UNC5A: variants seen among roughly 807,000 people sequenced by gnomAD.
UNC5A encodes the protein unc-5 netrin receptor A.
A neutral mutation model predicts 87.4 loss-of-function variants in UNC5A; 20 were observed. The observed-to-expected ratio is 0.23, with a 90% CI of 0.16 to 0.33. The LOEUF (loss-of-function observed/expected upper bound fraction) is 0.33, where lower values mean the gene tolerates loss of function less well. Ranked by LOEUF, UNC5A falls within the 10% of genes least tolerant of loss-of-function variation. The pLI is 1.00. For missense variants in UNC5A, 844 were observed against 1,133.4 expected (o/e 0.74, Z 3.67); for synonymous variants, 438 against 482.3 (o/e 0.91, Z 1.20).
rs1342162585 is a variant in UNC5A, at chr5:176,844,451, C to T, written c.71-18173C>T. On this transcript the variant is annotated intron_variant, in intron 1 of 14. Coordinates refer to ENST00000329542, the MANE Select transcript of UNC5A (RefSeq NM_133369.3). The surrounding 1 kb of genome is among the most constrained non-coding windows in gnomAD (Gnocchi z 4.2). Reference sequence around the variant, plus strand: ...TTTATGTCCACCCACGGTGTCCCAGCTGAGCGAGAAGGGACACGGGATGAT... The same window carrying T: ...TTTATGTCCACCCACGGTGTCCCAGTTGAGCGAGAAGGGACACGGGATGAT... 6.6e-6 allele frequency among the ~76,000 whole-genome samples: 1 copy of T among 152,116 alleles called. No homozygotes were observed. Among genetic ancestry groups the T allele is most frequent in the Admixed American group, 6.6e-5 (1 of 15,248 alleles).
chr5:176,869,532 C>G lies in UNC5A; in HGVS notation c.721+568C>G, dbSNP rs1758058484. On this transcript the variant is annotated intron_variant, in intron 5 of 14. Coordinates refer to ENST00000329542, the MANE Select transcript of UNC5A (RefSeq NM_133369.3). This position sits in a 1 kb window ranked among gnomAD's most constrained non-coding sequence, Gnocchi z 9.1. The stretch of plus-strand genomic sequence containing the variant: ...CACCCGTGTCCAGCTCACAGCCCCT[C>G]TGCCCTCACGCCCCGTCCCCTGGGC... The G allele has an allele frequency of 1.1e-5, 7 of 642,900 alleles. No individual in the cohort carries two copies. In the Admixed American group the frequency reaches 1.5e-4, roughly 14 times the overall value. The allele number at this position is 642,900 out of a possible 1,614,324, so 39.8% of individuals were successfully genotyped here.
intron 1 of UNC5A, among the ~76,000 whole-genome samples, chr5:176,843,125 C>A (rs1384529058): frequency 2.0e-5 from 3 of 149,286 alleles, no homozygotes; most frequent in Non-Finnish European, 4.4e-5. Context: ...CGCGTCATTG[C>A]ACTCCAGCCT....
At chr5:176,821,847 A>AG (rs1756734448) in intron 1 of UNC5A, among the ~76,000 whole-genome samples, 1 of 151,984 alleles carries the variant, frequency 6.6e-6, no homozygotes, top group Non-Finnish European at 1.5e-5. Flanking sequence ...TCCCAGGCTG[A>AG]GAGGGGCAGC....
intron 1 of UNC5A, among the ~76,000 whole-genome samples, chr5:176,850,427 G>A (rs1393157078): frequency 1.3e-5 from 2 of 152,144 alleles, no homozygotes; most frequent in Non-Finnish European, 2.9e-5. Flanking sequence ...GGGTGGTGGG[G>A]CCGGGGGTGG....
intron 1 of UNC5A, among the ~76,000 whole-genome samples, chr5:176,840,162 A>G (rs1196574226): frequency 6.6e-6 from 1 of 152,122 alleles, no homozygotes; most frequent in Non-Finnish European, 1.5e-5. Context: ...TGGCCTCTTC[A>G]TTAAAGTGTG....
intron 1 of UNC5A, among the ~76,000 whole-genome samples, chr5:176,817,800 G>T (rs902715684): frequency 2.0e-5 from 3 of 151,878 alleles, no homozygotes; most frequent in African/African-American, 7.2e-5. Flanking sequence ...CGCGGCGCCC[G>T]TCGGGCGGGG....
At position 176,851,060 on chromosome 5, in the gene UNC5A, G is replaced by A. The variant is rs924800837; in HGVS notation, c.71-11564G>A. On this transcript the variant is annotated intron_variant, in intron 1 of 14. Coordinates refer to ENST00000329542, the MANE Select transcript of UNC5A (RefSeq NM_133369.3). ...GGGTCCCTCTTGGGCTGTGTTGGCCGGTGCCTAGCACGGTGCCAGGACATG... is the reference window on the plus strand; with the variant it reads ...GGGTCCCTCTTGGGCTGTGTTGGCCAGTGCCTAGCACGGTGCCAGGACATG... Among the ~76,000 whole-genome samples the A allele has an allele frequency of 3.0e-3, 451 of 152,298 alleles. 1 individual carries two copies. The highest frequency in any genetic ancestry group is 0.01 in the African/African-American group (431 of 41,568).
intron 1 of UNC5A, among the ~76,000 whole-genome samples, chr5:176,846,249 G>A (rs1358143951): frequency 6.6e-6 from 1 of 152,112 alleles, no homozygotes; most frequent in East Asian, 1.9e-4. Flanking sequence ...GAGCCCTGGA[G>A]GCTGAGCCAA....
At chr5:176,846,383 G>C (rs772862414) in intron 1 of UNC5A, among the ~76,000 whole-genome samples, 1 of 152,142 alleles carries the variant, frequency 6.6e-6, no homozygotes, top group East Asian at 1.9e-4. Context: ...TGAGTAGGGA[G>C]GGGGAAAGAG....
At position 176,866,225 on chromosome 5, in the gene UNC5A, G is replaced by A. The variant is rs1235604232; in HGVS notation, c.293-1905G>A. Among the ~76,000 whole-genome samples the A allele has an allele frequency of 3.9e-5, 6 of 152,184 alleles. No homozygotes were observed. The East Asian group carries it at 9.6e-4, about 24-fold the overall frequency. On this transcript the variant is annotated intron_variant, in intron 2 of 14. Coordinates refer to ENST00000329542, the MANE Select transcript of UNC5A (RefSeq NM_133369.3). This position sits in a 1 kb window ranked among gnomAD's most constrained non-coding sequence, Gnocchi z 5.0. ...CCAGGCTGCCTGATGATCCACAAGA[G>A]GAGAGCGCACAGCCCCTCACATCAA...
chr5:176,853,403 C>T (rs1014084740), intron 1 of UNC5A, among the ~76,000 whole-genome samples: 4 of 152,092 alleles, frequency 2.6e-5, no homozygotes, highest in East Asian at 1.9e-4. Context: ...GAGATGGGAG[C>T]GGTGCCGCCC....
intron 1 of UNC5A, among the ~76,000 whole-genome samples, chr5:176,834,112 A>G (rs1028773362): frequency 2.6e-5 from 4 of 152,182 alleles, no homozygotes; most frequent in Non-Finnish European, 4.4e-5. Flanking sequence ...GAGGTGGAGC[A>G]CCGCGGAGCT....
chr5:176,818,041 C>G (rs1187088355), intron 1 of UNC5A, among the ~76,000 whole-genome samples: 1 of 152,064 alleles, frequency 6.6e-6, no homozygotes, highest in Non-Finnish European at 1.5e-5. Flanking sequence ...AGCGGGCGTC[C>G]AGCCTCCGGG....
At chr5:176,814,493 C>G (rs1756541186) in intron 1 of UNC5A, among the ~76,000 whole-genome samples, 1 of 152,204 alleles carries the variant, frequency 6.6e-6, no homozygotes, top group Admixed American at 6.5e-5. Context: ...TTGGCTCTGT[C>G]CAGACCTGGG....
Position 176,869,770 on chromosome 5 carries a change from C to T in UNC5A, c.722-600C>T, listed in dbSNP as rs1171465252. 3.3e-6 allele frequency: 2 copies of T among 602,822 alleles called. No homozygotes were observed. The highest frequency in any genetic ancestry group is 3.8e-5 in the African/African-American group (2 of 53,294). 37.3% of individuals were successfully genotyped at this position (602,822 alleles called of 1,614,324 possible). On this transcript the variant is annotated intron_variant, in intron 5 of 14. Transcript: ENST00000329542. This position sits in a 1 kb window ranked among gnomAD's most constrained non-coding sequence, Gnocchi z 9.1. ...AATGTCCAGAAAACAGCCTGCGCCA[C>T]CCTGTGCCCAGGTACCAGCGGCCAC...
chr5:176,876,143 C>G (rs939579889), intron 8 of UNC5A, among the ~76,000 whole-genome samples: 1 of 152,228 alleles, frequency 6.6e-6, no homozygotes, highest in Non-Finnish European at 1.5e-5. Flanking sequence ...TCCTGAGTAC[C>G]CAGCATTAGG....
intron 6 of UNC5A, 86 bp from the exon 7 acceptor site, chr5:176,873,882 T>C (rs1758192197): frequency 1.2e-5 from 17 of 1,462,306 alleles, no homozygotes; most frequent in Non-Finnish European, 1.6e-5. Flanking sequence ...GGTGCAGACC[T>C]CATCCTCCTG....
At chr5:176,826,094 T>C (rs908150182) in intron 1 of UNC5A, among the ~76,000 whole-genome samples, 1 of 152,208 alleles carries the variant, frequency 6.6e-6, no homozygotes, top group African/African-American at 2.4e-5. Context: ...AGAGGTGTGA[T>C]GACTTGTGTC....
At position 176,875,092 on chromosome 5, in the gene UNC5A, G is replaced by C. The variant is rs58933352; in HGVS notation, c.1378+526G>C. ...TCCCTCAGCTTAGATGACCCCATGC[G>C]CTCCTGGTTTGCTTGCCCCTCTCCA... On this transcript the variant is annotated intron_variant, in intron 8 of 14. Coordinates refer to ENST00000329542, the MANE Select transcript of UNC5A (RefSeq NM_133369.3). The surrounding 1 kb of genome is among the most constrained non-coding windows in gnomAD (Gnocchi z 5.2). 0.034 allele frequency among the ~76,000 whole-genome samples: 5,245 copies of C among 152,178 alleles called. 292 individuals are homozygous for C. The highest frequency in any genetic ancestry group is 0.12 in the African/African-American group (4,783 of 41,500).
Sources: gnomAD v4.1 joint callset for allele counts (sites outside exome capture counted in the v4.1 genomes callset) on GRCh38, gnomAD v4.1.1 for gene constraint, Gnocchi (gnomAD v3.1) non-coding constraint, MANE v1.5 for transcripts, NCBI Gene and HGNC (gene_info 2026-07-23, HGNC 2026-07-21) for gene names.